The following RNF38 variants were observed in gnomAD, a reference collection of about 807,000 sequenced individuals.
RNF38 encodes ring finger protein 38, also known as E3 ubiquitin-protein ligase RNF38.
Under a neutral mutation model 67.2 loss-of-function variants are expected in RNF38, and 15 were observed. The observed-to-expected ratio is 0.22, with a 90% CI of 0.15 to 0.34. RNF38 has a LOEUF of 0.34. RNF38 is among the 10% of genes least tolerant of loss of function. The pLI, the probability that RNF38 is intolerant of heterozygous loss-of-function variation, is 1.00. For synonymous variants in RNF38, 220 were observed against 218.8 expected, an observed-to-expected ratio of 1.01 and a Z score of -0.05; for missense variants, 524 against 639.9, an observed-to-expected ratio of 0.82 and a Z score of 1.95.
intron 1 of RNF38, among the ~76,000 whole-genome samples, chr9:36,398,063 A>C (rs1564041924): frequency 6.6e-6 from 1 of 152,238 alleles, no homozygotes; most frequent in Non-Finnish European, 1.5e-5. Flanking sequence ...ATTGAGTTAT[A>C]ATTTTATTAA....
At position 36,423,701 on chromosome 9, in the gene RNF38, G is replaced by GAGAC. The variant is rs1157567976; in HGVS notation, n.312+911_312+912insGTCT. 1.2e-3 allele frequency among the ~76,000 whole-genome samples: 32 copies of GAGAC among 25,858 alleles called. 5 individuals are homozygous for GAGAC. Among genetic ancestry groups the GAGAC allele is most frequent in the South Asian group, 2.3e-3 (2 of 858 alleles). The allele number at this position is 25,858 out of a possible 152,430, so 17.0% of individuals were successfully genotyped here. ...GCGGTGGCTCACGCCTGTAATCCCA[G>GAGAC]CACTTTGGGAGGCCGAGGCGGGCGG... On this transcript the variant is annotated intron_variant and non_coding_transcript_variant, in intron 2 of 3. Coordinates refer to the RNF38 transcript ENST00000488058.
intron 5 of RNF38, 28 bp downstream of exon 5, chr9:36,357,747 T>TTAAGCA (rs1564005973): frequency 1.2e-6 from 2 of 1,600,500 alleles, no homozygotes; most frequent in Non-Finnish European, 1.7e-6. Flanking sequence ...AATAGTAATA[T>TTAAGCA]CTAATGAGAA....
intron 1 of RNF38, among the ~76,000 whole-genome samples, chr9:36,450,991 G>C (rs540871722): frequency 1.3e-5 from 2 of 152,278 alleles, no homozygotes; most frequent in Non-Finnish European, 2.9e-5. Flanking sequence ...ATGTAGTCTT[G>C]CATTCCCCAA....
intron 2 of RNF38, among the ~76,000 whole-genome samples, chr9:36,416,142 A>G (rs1227269916): frequency 1.5e-5 from 2 of 132,054 alleles, no homozygotes; most frequent in African/African-American, 2.8e-5. Flanking sequence ...GGTTAGGCAT[A>G]TCTGAGACTC....
intron 1 of RNF38, among the ~76,000 whole-genome samples, chr9:36,435,042 T>C (rs1426101740): frequency 6.6e-6 from 1 of 152,130 alleles, no homozygotes; most frequent in Non-Finnish European, 1.5e-5. Flanking sequence ...AGCTCCACTA[T>C]ATACTGTCAC....
At chr9:36,462,132 A>AAG (rs1839746908) in intron 1 of RNF38, among the ~76,000 whole-genome samples, 1 of 152,228 alleles carries the variant, frequency 6.6e-6, no homozygotes, top group African/African-American at 2.4e-5. Context: ...GAGATGCAGT[A>AAG]AGATGTGGTC....
At chr9:36,388,011 T>C (rs1030496513) in intron 2 of RNF38, among the ~76,000 whole-genome samples, 8 of 152,058 alleles carry the variant, frequency 5.3e-5, no homozygotes, top group African/African-American at 1.9e-4. Context: ...GCAGATACAC[T>C]AGTAGGGATG....
At chr9:36,484,337 G>T (rs1175506048) in intron 1 of RNF38, among the ~76,000 whole-genome samples, 1 of 152,168 alleles carries the variant, frequency 6.6e-6, no homozygotes, top group Non-Finnish European at 1.5e-5. Context: ...TCAGAAAGGG[G>T]CGAAAAAGGA....
At position 36,363,873 on chromosome 9, in the gene RNF38, ATT is replaced by A. The variant is rs558655028; in HGVS notation, c.570+5844_570+5845del. Among the ~76,000 whole-genome samples the A allele has an allele frequency of 4.1e-4, 31 of 76,258 alleles. 2 individuals carry two copies. Among genetic ancestry groups the A allele is most frequent in the South Asian group, 1.4e-3 (3 of 2,088 alleles). The allele number at this position is 76,258 out of a possible 152,430, so 50.0% of individuals were successfully genotyped here. ...ACTGCATGGGTCTACTTATATGCAGATTTTTTTTTTTTTTTTTTTGGAGGTGC... is the reference window on the plus strand; with the variant it reads ...ACTGCATGGGTCTACTTATATGCAGATTTTTTTTTTTTTTTTTGGAGGTGC... On this transcript the variant is annotated intron_variant, in intron 4 of 11. Transcript: ENST00000259605.
intron 10 of RNF38, 56 bp from the exon 11 acceptor site, chr9:36,342,480 T>G: frequency 9.3e-7 from 1 of 1,075,642 alleles, no homozygotes; most frequent in Non-Finnish European, 1.4e-6. Flanking sequence ...TCTATTGTTA[T>G]GACTACTGAA....
chr9:36,400,776 C>T, upstream of RNF38: 1 of 985,614 alleles, frequency 1.0e-6, no homozygotes, highest in Non-Finnish European at 1.2e-6. Flanking sequence ...GGCTGCACGC[C>T]CAGAGATGAC....
At chr9:36,393,340 A>G (rs960959492) in intron 1 of RNF38, among the ~76,000 whole-genome samples, 2 of 152,172 alleles carry the variant, frequency 1.3e-5, no homozygotes, top group African/African-American at 2.4e-5. Flanking sequence ...CAGAGGCTCC[A>G]TTTGTCTTAA....
rs547547800 is a variant in RNF38, at chr9:36,337,175, C to T, written c.*2577G>A. 1 of 152,204 alleles carries T rather than the reference C, an allele frequency of 6.6e-6. No individual in the cohort carries two copies. The highest frequency in any genetic ancestry group is 6.5e-5 in the Admixed American group (1 of 15,278). The allele number at this position is 152,204 out of a possible 1,614,324, so 9.4% of individuals were successfully genotyped here. Reference sequence around the variant, plus strand: ...CCAATGGCTGGGCACAAATAAACTTCTCTTTTGCTAGCCACAGAGTTGCTC... The same window carrying T: ...CCAATGGCTGGGCACAAATAAACTTTTCTTTTGCTAGCCACAGAGTTGCTC... On this transcript the variant is annotated 3_prime_UTR_variant, in exon 12 of 12. Transcript: ENST00000259605.
At chr9:36,394,166 T>C (rs1213295630) in intron 1 of RNF38, among the ~76,000 whole-genome samples, 2 of 152,052 alleles carry the variant, frequency 1.3e-5, no homozygotes, top group African/African-American at 2.4e-5. Flanking sequence ...TCCCAGCTAC[T>C]TGGGAGGCTG....
At chr9:36,391,116 C>T (rs981873154) in intron 1 of RNF38, among the ~76,000 whole-genome samples, 2 of 152,152 alleles carry the variant, frequency 1.3e-5, no homozygotes, top group Non-Finnish European at 2.9e-5. Flanking sequence ...ATATGTTTGA[C>T]TGCAGAAATC....
At position 36,357,700 on chromosome 9, in the gene RNF38, C is replaced by T. The variant is rs193015239; in HGVS notation, c.738+75G>A. On this transcript the variant is annotated intron_variant, in intron 5 of 11. Transcript: ENST00000259605. ...TAGCCCCTCTAAAGAGGGTAAGAGT[C>T]GGGAAGTTACAAAACCAAATTCAGG... 2,484 of 1,184,414 alleles carry T rather than the reference C, an allele frequency of 2.1e-3. 52 individuals carry two copies. Among genetic ancestry groups the T allele is most frequent in the Non-Finnish European group, 2.4e-4 (195 of 814,278 alleles). The allele number at this position is 1,184,414 out of a possible 1,614,324, so 73.4% of individuals were successfully genotyped here. A position where few individuals can be genotyped will look rare whatever the true frequency, so the allele number is the denominator to read the frequency against.
At chr9:36,400,555 T>A, upstream of RNF38, 1 of 987,636 alleles carries the variant, frequency 1.0e-6, no homozygotes, top group Middle Eastern at 5.2e-4. Context: ...GGCCAGTACC[T>A]GCGAGGGGAG....
intron 3 of RNF38, among the ~76,000 whole-genome samples, chr9:36,375,271 A>C (rs997954164): frequency 2.0e-5 from 3 of 152,162 alleles, no homozygotes; most frequent in African/African-American, 4.8e-5. Flanking sequence ...GCTAAGGTTC[A>C]TTGCAGCCTT....
intron 4 of RNF38, among the ~76,000 whole-genome samples, chr9:36,366,864 G>A (rs1835008052): frequency 6.6e-6 from 1 of 152,154 alleles, no homozygotes; most frequent in Admixed American, 6.5e-5. Context: ...AAAAATTATT[G>A]GGGGAACTGA....
Sources: allele counts gnomAD v4.1 joint callset (sites outside exome capture counted in the v4.1 genomes callset), GRCh38; gene constraint gnomAD v4.1.1; transcripts MANE v1.5; gene names NCBI Gene and HGNC (gene_info 2026-07-23, HGNC 2026-07-21).